LAMP2: variants seen among roughly 807,000 people sequenced by gnomAD.
LAMP2 encodes lysosome associated membrane protein 2.
Under a neutral mutation model 25.6 loss-of-function variants are expected in LAMP2, and 4 were observed. The ratio of observed to expected loss-of-function variants is 0.16; its 90% CI spans 0.08 to 0.36. The LOEUF (loss-of-function observed/expected upper bound fraction) is 0.36. Ranked by LOEUF, LAMP2 falls within the 10% of genes least tolerant of loss-of-function variation. LAMP2 has a pLI of 1.00. For missense variants in LAMP2, 272 were observed against 301.4 expected (o/e 0.90, Z 0.72); for synonymous variants, 108 against 112.7 (o/e 0.96, Z 0.27).
chrX:120,435,808 T>C (rs887842945), intron 8 of LAMP2, among the ~76,000 whole-genome samples: 1 of 111,668 alleles, frequency 9.0e-6, no homozygotes, highest in Admixed American at 9.6e-5. Flanking sequence ...AGAGAAAAGT[T>C]ACCAGCTACA....
chrX:120,469,021 C>T (rs1332661741), intron 1 of LAMP2, 85 bp downstream of exon 1: 1 of 1,050,734 alleles, frequency 9.5e-7, no homozygotes, highest in Non-Finnish European at 1.3e-6. Flanking sequence ...CCCCCTCCCC[C>T]TCGGACCAGT....
In LAMP2 at chrX:120,435,441, G is replaced by A. The variant is rs190764761; in HGVS notation, c.1094-3979C>T. On this transcript the variant is annotated intron_variant, in intron 8 of 8. Coordinates refer to ENST00000200639, the MANE Select transcript of LAMP2 (RefSeq NM_002294.3). Reference sequence around the variant, plus strand: ...TTAACATTATCTACCTAAATAAACAGATGAAATACTATCATCTTAAAAATG... The same window carrying A: ...TTAACATTATCTACCTAAATAAACAAATGAAATACTATCATCTTAAAAATG... Among the ~76,000 whole-genome samples the A allele has an allele frequency of 2.2e-3, 241 of 111,791 alleles. 1 individual carries two copies. The highest frequency in any genetic ancestry group is 4.6e-3 in the Middle Eastern group (1 of 219).
rs1255756648 is a variant in LAMP2, at chrX:120,455,589, T to C, written c.184-19A>G. 4.3e-6 allele frequency: 5 copies of C among 1,150,013 alleles called. No individual in the cohort carries two copies. Among genetic ancestry groups the C allele is most frequent in the Admixed American group, 2.2e-5 (1 of 45,383 alleles). The allele number at this position is 1,150,013 out of a possible 1,213,427, so 94.8% of individuals were successfully genotyped here. Reference sequence around the variant, plus strand: ...CAGTTTTCTAAAAGAAATAGAAATTTGGGGGTGAGAAACAAACAGGCAGCA... The same window carrying C: ...CAGTTTTCTAAAAGAAATAGAAATTCGGGGGTGAGAAACAAACAGGCAGCA... On this transcript the variant is annotated intron_variant, in intron 2 of 8. Coordinates refer to ENST00000200639, the MANE Select transcript of LAMP2 (RefSeq NM_002294.3).
chrX:120,463,379 G>C (rs1921398770), intron 1 of LAMP2, among the ~76,000 whole-genome samples: 1 of 111,729 alleles, frequency 9.0e-6, no homozygotes. Context: ...CCAAAGAGTG[G>C]GTAAGGAAAC....
At chrX:120,431,484 T>C (rs1360737343) in intron 8 of LAMP2, 22 bp from the exon 9 acceptor site, 11 of 1,166,501 alleles carry the variant, frequency 9.4e-6, no homozygotes, top group Non-Finnish European at 1.3e-5. Flanking sequence ...GAAAGGACAA[T>C]TGAGAACAGA....
At chrX:120,434,845 G>C (rs1344895743) in intron 8 of LAMP2, among the ~76,000 whole-genome samples, 2 of 111,909 alleles carry the variant, frequency 1.8e-5, no homozygotes, top group African/African-American at 6.5e-5. Context: ...AAAACCAGTT[G>C]AGGCCAGGCA....
At chrX:120,438,692 TCACACACACACA>T (rs67522937) in intron 8 of LAMP2, 37 of 659,308 alleles carry the variant, frequency 5.6e-5, no homozygotes, top group Non-Finnish European at 6.1e-5. Flanking sequence ...CAAACAAAAA[TCACACACACACA>T]CACACACACA....
intron 8 of LAMP2, among the ~76,000 whole-genome samples, chrX:120,431,927 A>C (rs2058524840): frequency 8.9e-6 from 1 of 112,246 alleles, no homozygotes. Flanking sequence ...TCATTTACTA[A>C]TGGGAAAAGA....
At chrX:120,431,553 C>T (rs190895154) in intron 8 of LAMP2, 91 bp from the exon 9 acceptor site, 34 of 911,181 alleles carry the variant, frequency 3.7e-5, no homozygotes, top group Admixed American at 1.6e-4. Flanking sequence ...CTTCCTAACA[C>T]GCATATTTTG....
intron 1 of LAMP2, among the ~76,000 whole-genome samples, chrX:120,468,164 GA>G (rs1302359751): frequency 1.8e-5 from 2 of 111,583 alleles, no homozygotes; most frequent in African/African-American, 6.5e-5. Flanking sequence ...CTAGCTGTGT[GA>G]TGGGGAAGAA....
At chrX:120,466,987 C>T (rs907939306) in intron 1 of LAMP2, among the ~76,000 whole-genome samples, 5 of 110,491 alleles carry the variant, frequency 4.5e-5, no homozygotes, top group African/African-American at 1.6e-4. Flanking sequence ...GGATTACAGG[C>T]ATGTGCCACG....
chrX:120,467,173 C>T (rs368312213), intron 1 of LAMP2, among the ~76,000 whole-genome samples: 2 of 108,275 alleles, frequency 1.8e-5, no homozygotes, highest in African/African-American at 3.4e-5. Flanking sequence ...AACCTTATTC[C>T]GAAGTTTTGA....
intron 1 of LAMP2, among the ~76,000 whole-genome samples, chrX:120,459,567 A>C (rs919672612): frequency 8.9e-6 from 1 of 112,706 alleles, no homozygotes; most frequent in Non-Finnish European, 1.9e-5. Flanking sequence ...CAGCAGCATG[A>C]TCTGGGTTGT....
Position 120,428,645 on chromosome X carries a change from C to T in LAMP2, c.*2678G>A, listed in dbSNP as rs775547188. ...TCTTCAGCTGTTAGAAAAGAACAGACAGCAAGGAAAGGAAATTAGCAAAGA... is the reference window on the plus strand; with the variant it reads ...TCTTCAGCTGTTAGAAAAGAACAGATAGCAAGGAAAGGAAATTAGCAAAGA... On this transcript the variant is annotated 3_prime_UTR_variant, in exon 9 of 9. Coordinates refer to ENST00000200639, the MANE Select transcript of LAMP2 (RefSeq NM_002294.3). The T allele has an allele frequency of 4.8e-5, 55 of 1,152,802 alleles. No homozygotes were observed. The highest frequency in any genetic ancestry group is 6.0e-5 in the Non-Finnish European group (52 of 871,185).
intron 1 of LAMP2, among the ~76,000 whole-genome samples, chrX:120,462,715 A>T (rs1858933): frequency 0.046 from 5,134 of 110,681 alleles, 326 homozygotes; most frequent in African/African-American, 0.16. Flanking sequence ...AAACCAAACA[A>T]TGATCCAAGA....
Position 120,469,277 on chromosome X carries a change from G to C in LAMP2, c.-108C>G. 3 of 781,552 alleles carry C rather than the reference G, an allele frequency of 3.8e-6. No individual in the cohort carries two copies. Among genetic ancestry groups the C allele is most frequent in the Non-Finnish European group, 5.8e-6 (3 of 518,507 alleles). 64.4% of individuals were successfully genotyped at this position (781,552 alleles called of 1,213,427 possible). A position where few individuals can be genotyped will look rare whatever the true frequency, so the allele number is the denominator to read the frequency against. On this transcript the variant is annotated 5_prime_UTR_variant, in exon 1 of 9. Transcript: ENST00000200639. Reference sequence around the variant, plus strand: ...TGGGTCAAGAGCACTGATGACCACCGACCACAGCCTTGCAAAAGCCAGGAA... The same window carrying C: ...TGGGTCAAGAGCACTGATGACCACCCACCACAGCCTTGCAAAAGCCAGGAA...
chrX:120,463,975 A>G (rs1262160189), intron 1 of LAMP2, among the ~76,000 whole-genome samples: 2 of 105,671 alleles, frequency 1.9e-5, no homozygotes, highest in Non-Finnish European at 3.9e-5. Context: ...TATCTCTATT[A>G]TAACTAGAAT....
rs12394918 is a variant in LAMP2, at chrX:120,457,491, G to C, written c.65-722C>G. 2.7e-5 allele frequency among the ~76,000 whole-genome samples: 3 copies of C among 111,875 alleles called. No homozygotes were observed. In the East Asian group the frequency reaches 8.4e-4, roughly 31 times the overall value. On this transcript the variant is annotated intron_variant, in intron 1 of 8. Coordinates refer to ENST00000200639, the MANE Select transcript of LAMP2 (RefSeq NM_002294.3). ...TTCATCACTGTTTCACTTTAAAATC[G>C]AATTGATTAGAAAGGCTGATGAATT...
At chrX:120,438,703 C>CAA (rs2147277045) in intron 8 of LAMP2, 2 of 742,192 alleles carry the variant, frequency 2.7e-6, no homozygotes, top group South Asian at 1.3e-4. Flanking sequence ...CACACACACA[C>CAA]ACACACACAC....
Sources: gnomAD v4.1 joint callset for allele counts (sites outside exome capture counted in the v4.1 genomes callset) on GRCh38, gnomAD v4.1.1 for gene constraint, MANE v1.5 for transcripts, NCBI Gene and HGNC (gene_info 2026-07-23, HGNC 2026-07-21) for gene names.